Variants in KCNH7 observed in about 807,000 individuals in gnomAD.
The protein encoded by KCNH7 is voltage-gated inwardly rectifying potassium channel KCNH7.
A neutral mutation model predicts 120.8 loss-of-function variants in KCNH7; 49 were observed. That is an observed-to-expected ratio of 0.41 (90% CI 0.32 to 0.51). The LOEUF is 0.51. Among genes scored for constraint, KCNH7 ranks in the 20% least tolerant of loss-of-function variants. The probability of loss-of-function intolerance (pLI) is 0.38; values close to 1 mark genes in which losing one functional copy is unlikely to be tolerated. For synonymous variants in KCNH7, 547 were observed against 516.1 expected, an observed-to-expected ratio of 1.06 and a Z score of -0.81; for missense variants, 1,097 against 1,446.6, an observed-to-expected ratio of 0.76 and a Z score of 3.92.
intron 2 of KCNH7, among the ~76,000 whole-genome samples, chr2:162,617,836 C>T (rs1683204149): frequency 3.3e-5 from 5 of 152,002 alleles, no homozygotes; most frequent in African/African-American, 1.2e-4. Flanking sequence ...GGGGAATAAT[C>T]TTCTGCCGTC....
At chr2:162,726,583 C>G (rs1195120872) in intron 2 of KCNH7, among the ~76,000 whole-genome samples, 1 of 152,074 alleles carries the variant, frequency 6.6e-6, no homozygotes, top group Non-Finnish European at 1.5e-5. Flanking sequence ...CCACGCCCAG[C>G]TAATTTTTGT....
chr2:162,761,875 G>A (rs79458214), intron 2 of KCNH7, among the ~76,000 whole-genome samples: 1,749 of 152,180 alleles, frequency 0.011, 37 homozygotes, highest in African/African-American at 0.04. Context: ...CCTTCCTAGA[G>A]TTTGACTGTT....
intron 2 of KCNH7, among the ~76,000 whole-genome samples, chr2:162,714,484 C>T (rs1295236989): frequency 6.6e-6 from 1 of 152,186 alleles, no homozygotes; most frequent in East Asian, 1.9e-4. Context: ...AATAGCAGTC[C>T]TAACCCTTCC....
chr2:162,415,148 TA>T (rs201616548), intron 9 of KCNH7, among the ~76,000 whole-genome samples: 38 of 145,106 alleles, frequency 2.6e-4, no homozygotes, highest in Admixed American at 2.8e-4. Context: ...GTCCTTTTTT[TA>T]AAAAAAAAAA....
chr2:162,673,670 C>T (rs1229337476), intron 2 of KCNH7, among the ~76,000 whole-genome samples: 1 of 151,948 alleles, frequency 6.6e-6, no homozygotes, highest in East Asian at 1.9e-4. Flanking sequence ...ATTTGGAGCT[C>T]AATCCATATA....
At chr2:162,802,453 A>C (rs1426136585) in intron 2 of KCNH7, among the ~76,000 whole-genome samples, 1 of 151,708 alleles carries the variant, frequency 6.6e-6, no homozygotes, top group Admixed American at 6.6e-5. Context: ...GTCATATTCT[A>C]AGTCTGACTT....
rs201320101 is a variant in KCNH7 at position 162,400,043 on chromosome 2, TG to T, written c.2407+145del. The T allele has an allele frequency of 1.1e-3, 1,005 of 889,010 alleles. 6 individuals are homozygous for T. In the African/African-American group the frequency reaches 0.016, roughly 14 times the overall value. 55.1% of individuals were successfully genotyped at this position (889,010 alleles called of 1,614,324 possible). A position where few individuals can be genotyped will look rare whatever the true frequency, so the allele number is the denominator to read the frequency against. On this transcript the variant is annotated intron_variant, in intron 10 of 15. Coordinates refer to ENST00000332142, the MANE Select transcript of KCNH7 (RefSeq NM_033272.4). Reference sequence around the variant, plus strand: ...TCTGAAAGGTTAATTTGGTTTGAACTGAATTTTAAATGCAGCTTTCAAATTA... The same window carrying T: ...TCTGAAAGGTTAATTTGGTTTGAACTAATTTTAAATGCAGCTTTCAAATTA...
chr2:162,374,542 C>T (rs936334923), intron 14 of KCNH7, among the ~76,000 whole-genome samples: 1 of 152,044 alleles, frequency 6.6e-6, no homozygotes. Context: ...CACTTATTTG[C>T]GCTGACTGTT....
intron 2 of KCNH7, among the ~76,000 whole-genome samples, chr2:162,577,315 ATCTATCTATCTATCTG>A (rs1274513996): frequency 4.8e-5 from 7 of 147,176 alleles, no homozygotes; most frequent in African/African-American, 7.6e-5. Context: ...CTATCTATCT[ATCTATCTATCTATCTG>A]TCTATCATCT....
intron 2 of KCNH7, among the ~76,000 whole-genome samples, chr2:162,789,373 T>C (rs1193246178): frequency 1.3e-5 from 2 of 151,972 alleles, no homozygotes; most frequent in East Asian, 1.9e-4. Flanking sequence ...AAAATTGATA[T>C]AACTGAAGGG....
intron 2 of KCNH7, among the ~76,000 whole-genome samples, chr2:162,701,307 A>G (rs1277337100): frequency 2.6e-5 from 4 of 152,148 alleles, no homozygotes; most frequent in Admixed American, 1.3e-4. Context: ...ATCATGCATC[A>G]TTGACGAGTT....
chr2:162,427,679 G>C (rs1241997701), intron 8 of KCNH7, among the ~76,000 whole-genome samples: 1 of 151,720 alleles, frequency 6.6e-6, no homozygotes, highest in Non-Finnish European at 1.5e-5. Context: ...GTGTTTTGAA[G>C]AGCAGAAGTT....
intron 2 of KCNH7, among the ~76,000 whole-genome samples, chr2:162,579,860 G>T (rs1201553665): frequency 2.0e-5 from 3 of 151,992 alleles, no homozygotes; most frequent in African/African-American, 7.2e-5. Flanking sequence ...TGGGGATGAA[G>T]AGTTACGTAG....
intron 2 of KCNH7, among the ~76,000 whole-genome samples, chr2:162,773,019 C>T (rs1362251644): frequency 2.0e-5 from 3 of 152,218 alleles, no homozygotes; most frequent in Admixed American, 6.5e-5. Flanking sequence ...AGTTTCACCT[C>T]AAATGATAAG....
At chr2:162,627,963 T>C (rs1466884630) in intron 2 of KCNH7, among the ~76,000 whole-genome samples, 1 of 152,076 alleles carries the variant, frequency 6.6e-6, no homozygotes, top group Non-Finnish European at 1.5e-5. Flanking sequence ...TTGCCCCTAC[T>C]GAAAACATAA....
intron 2 of KCNH7, among the ~76,000 whole-genome samples, chr2:162,765,560 C>T (rs567610771): frequency 2.0e-5 from 3 of 152,186 alleles, no homozygotes; most frequent in African/African-American, 7.2e-5. Context: ...CACTGTTCTC[C>T]TAACAAGCAG....
intron 6 of KCNH7, among the ~76,000 whole-genome samples, chr2:162,459,477 G>A (rs150870576): frequency 6.6e-6 from 1 of 152,162 alleles, no homozygotes; most frequent in East Asian, 1.9e-4. Context: ...TTTGCAATCA[G>A]GTATGGCCAT....
chr2:162,514,599 C>G (rs750109945), intron 4 of KCNH7, among the ~76,000 whole-genome samples: 29 of 151,642 alleles, frequency 1.9e-4, no homozygotes, highest in Non-Finnish European at 3.8e-4. Flanking sequence ...TCTTTTGTAG[C>G]AGTTTGGCAG....
At chr2:162,470,351 C>T (rs1453513403) in intron 6 of KCNH7, among the ~76,000 whole-genome samples, 4 of 151,602 alleles carry the variant, frequency 2.6e-5, no homozygotes, top group Non-Finnish European at 5.9e-5. Context: ...CGCCTCTGCC[C>T]GGCCGCGACC....
Sources: allele counts gnomAD v4.1 joint callset (sites outside exome capture counted in the v4.1 genomes callset), GRCh38; gene constraint gnomAD v4.1.1; transcripts MANE v1.5; gene names NCBI Gene and HGNC (gene_info 2026-07-23, HGNC 2026-07-21).